The following ZMYND11 variants were observed in gnomAD, a reference collection of about 807,000 sequenced individuals.
The protein encoded by ZMYND11 is zinc finger MYND-type containing 11, also known as zinc finger MYND domain-containing protein 11.
ZMYND11 carries 9 observed loss-of-function variants against 84.9 expected under a neutral mutation model. The ratio of observed to expected loss-of-function variants is 0.11; its 90% CI spans 0.06 to 0.18. The LOEUF (loss-of-function observed/expected upper bound fraction) is 0.18, where lower values mean the gene tolerates loss of function less well. ZMYND11 is among the 10% of genes least tolerant of loss of function. ZMYND11 has a pLI of 1.00. For synonymous variants in ZMYND11, 250 were observed against 244.1 expected (o/e 1.02, Z -0.23); for missense variants, 409 against 761.0 (o/e 0.54, Z 5.44).
chr10:189,206 C>T (rs1230180086), intron 2 of ZMYND11, among the ~76,000 whole-genome samples: 5 of 152,200 alleles, frequency 3.3e-5, no homozygotes, highest in Non-Finnish European at 7.3e-5. Flanking sequence ...TACAGATATA[C>T]ATAAACGCAA....
intron 10 of ZMYND11, among the ~76,000 whole-genome samples, chr10:245,653 A>G (rs1372039495): frequency 6.6e-6 from 1 of 152,166 alleles, no homozygotes; most frequent in Admixed American, 6.5e-5. Context: ...CTCCACTCAC[A>G]TTGTCTGCTG....
intron 2 of ZMYND11, chr10:197,944 G>A: frequency 1.5e-6 from 1 of 649,020 alleles, no homozygotes; most frequent in Non-Finnish European, 2.8e-6. Flanking sequence ...TGAACCTATG[G>A]TGATTTTTAC....
chr10:155,463 A>G (rs1156534276), intron 1 of ZMYND11, among the ~76,000 whole-genome samples: 1 of 152,208 alleles, frequency 6.6e-6, no homozygotes, highest in Non-Finnish European at 1.5e-5. Flanking sequence ...AGCCTGGGCA[A>G]TATAGTGAGA....
At chr10:172,143 A>C (rs1845483298) in intron 1 of ZMYND11, among the ~76,000 whole-genome samples, 1 of 152,178 alleles carries the variant, frequency 6.6e-6, no homozygotes, top group East Asian at 1.9e-4. Context: ...CAGAGCCCCC[A>C]TGGCCCAATC....
At chr10:160,917 C>T (rs9419432) in intron 1 of ZMYND11, among the ~76,000 whole-genome samples, 100,769 of 147,524 alleles carry the variant, frequency 0.68, 34,088 homozygotes, top group East Asian at 0.84. Flanking sequence ...GAAATGTATT[C>T]TTTAATAAGA....
intron 2 of ZMYND11, among the ~76,000 whole-genome samples, chr10:197,641 G>A (rs1031279772): frequency 1.9e-4 from 29 of 152,292 alleles, no homozygotes; most frequent in Admixed American, 5.9e-4. Flanking sequence ...TAGGTAAAGT[G>A]TAGCTACTTC....
At chr10:214,451 A>G (rs1027407019) in intron 3 of ZMYND11, among the ~76,000 whole-genome samples, 4 of 152,126 alleles carry the variant, frequency 2.6e-5, no homozygotes, top group Non-Finnish European at 4.4e-5. Flanking sequence ...AAGAAAGTAA[A>G]TGCATAAAAA....
intron 1 of ZMYND11, among the ~76,000 whole-genome samples, chr10:139,815 G>A (rs1554753520): frequency 6.8e-6 from 1 of 146,140 alleles, no homozygotes; most frequent in East Asian, 2.1e-4. Context: ...GGGTTCAAGT[G>A]ATTCTCATGC....
At chr10:169,214 A>G (rs1554764891) in intron 1 of ZMYND11, among the ~76,000 whole-genome samples, 2 of 152,130 alleles carry the variant, frequency 1.3e-5, no homozygotes, top group Non-Finnish European at 2.9e-5. Flanking sequence ...CCTGTCCCAC[A>G]TAAGGGGGGA....
chr10:236,338 A>AGT (rs1949964392), intron 4 of ZMYND11, among the ~76,000 whole-genome samples: 1 of 152,244 alleles, frequency 6.6e-6, no homozygotes, highest in African/African-American at 2.4e-5. Flanking sequence ...GTTATTACTG[A>AGT]GTAGATCCAT....
chr10:247,041 C>A, intron 11 of ZMYND11, 68 bp downstream of exon 11: 1 of 1,409,514 alleles, frequency 7.1e-7, no homozygotes. Context: ...TTAGTGCACA[C>A]TCCTCACTGT....
chr10:142,134 G>A (rs1229484537), intron 1 of ZMYND11, among the ~76,000 whole-genome samples: 1 of 152,106 alleles, frequency 6.6e-6, no homozygotes, highest in Non-Finnish European at 1.5e-5. Context: ...TTTTAGACAG[G>A]GTCTCATTCT....
chr10:184,272 A>T (rs370201534), intron 2 of ZMYND11, among the ~76,000 whole-genome samples: 1 of 152,174 alleles, frequency 6.6e-6, no homozygotes, highest in African/African-American at 2.4e-5. Flanking sequence ...TCTATATACC[A>T]TGTATAGTTA....
intron 3 of ZMYND11, among the ~76,000 whole-genome samples, chr10:216,077 G>A (rs1336358801): frequency 6.6e-6 from 1 of 152,094 alleles, no homozygotes; most frequent in Non-Finnish European, 1.5e-5. Flanking sequence ...AAAATGCCCA[G>A]TCTAAAAAAA....
intron 10 of ZMYND11, among the ~76,000 whole-genome samples, chr10:245,357 G>A (rs1951902386): frequency 6.6e-6 from 1 of 152,132 alleles, no homozygotes; most frequent in Admixed American, 6.5e-5. Context: ...AAGTGGAAAT[G>A]GTTATTTATG....
At chr10:207,746 C>T (rs1944441731) in intron 2 of ZMYND11, among the ~76,000 whole-genome samples, 1 of 152,126 alleles carries the variant, frequency 6.6e-6, no homozygotes, top group South Asian at 2.1e-4. Flanking sequence ...GATTCAATGC[C>T]ATCCCCATCA....
chr10:159,648 AT>A (rs1842541598), intron 1 of ZMYND11, among the ~76,000 whole-genome samples: 1 of 152,194 alleles, frequency 6.6e-6, no homozygotes, highest in South Asian at 2.1e-4. Flanking sequence ...TTAGCTCTGA[AT>A]TTATAAGTTG....
Position 248,418 on chromosome 10 carries a change from C to T in ZMYND11, c.1310C>T (p.Ser437Leu). Residue 437 changes from serine (S) to leucine (L), a missense_variant, in exon 13 of 15, where the codon TCA (serine) becomes TTA (leucine). Physicochemically the swap from Ser to Leu is moderately radical, Grantham distance 145. Coordinates refer to ENST00000381604, the MANE Select transcript of ZMYND11 (RefSeq NM_001370100.5). The part of the protein sequence containing the change: ...MPQPIEKVSV[S>L]TQTKKLSASS... ...CAGCCCATCGAAAAAGTCTCCGTGTCAACTCAGACAAAGAAGTTAAGTGCC... is the reference window on the plus strand; with the variant it reads ...CAGCCCATCGAAAAAGTCTCCGTGTTAACTCAGACAAAGAAGTTAAGTGCC... 6.2e-7 allele frequency: 1 copy of T among 1,614,146 alleles called. No individual in the cohort carries two copies. The highest frequency in any genetic ancestry group is 8.5e-7 in the Non-Finnish European group (1 of 1,180,030).
chr10:239,017 TCA>T (rs1263444535), intron 6 of ZMYND11, among the ~76,000 whole-genome samples: 1 of 152,208 alleles, frequency 6.6e-6, no homozygotes, highest in African/African-American at 2.4e-5. Context: ...TGGTAAACTG[TCA>T]CAGAGGCTAA....
Sources: allele counts gnomAD v4.1 joint callset (sites outside exome capture counted in the v4.1 genomes callset), GRCh38; gene constraint gnomAD v4.1.1; transcripts MANE v1.5; gene names NCBI Gene and HGNC (gene_info 2026-07-23, HGNC 2026-07-21).